The following ADARB2 variants were observed in gnomAD, a reference collection of about 807,000 sequenced individuals.
The protein encoded by ADARB2 is inactive double-stranded RNA-specific editase B2.
A neutral mutation model predicts 62.2 loss-of-function variants in ADARB2; 25 were observed. The ratio of observed to expected loss-of-function variants is 0.40; its 90% CI spans 0.29 to 0.56. ADARB2 has a LOEUF of 0.56. Among genes scored for constraint, ADARB2 ranks in the 20% least tolerant of loss-of-function variants. The pLI is 0.43. For synonymous variants in ADARB2, 572 were observed against 500.8 expected (o/e 1.14, Z -1.90); for missense variants, 1,071 against 1,077.4 (o/e 0.99, Z 0.08).
intron 7 of ADARB2, chr10:1,216,732 G>C (rs929092461): frequency 3.2e-6 from 2 of 625,826 alleles, no homozygotes; most frequent in African/African-American, 3.8e-5. Context: ...AGCCTCGGGT[G>C]GCAGGGCCTT....
At chr10:1,466,754 A>G (rs1192827130) in intron 1 of ADARB2, among the ~76,000 whole-genome samples, 4 of 152,162 alleles carry the variant, frequency 2.6e-5, no homozygotes, top group Non-Finnish European at 5.9e-5. Context: ...GAATTTCTCT[A>G]TGGAAGACTG....
intron 3 of ADARB2, among the ~76,000 whole-genome samples, chr10:1,325,189 G>C (rs980504864): frequency 6.6e-6 from 1 of 152,198 alleles, no homozygotes; most frequent in Non-Finnish European, 1.5e-5. Context: ...GTCACAGATA[G>C]TGTCCATGAA....
chr10:1,444,733 T>TATCCATCCATCC (rs973317194), intron 1 of ADARB2, among the ~76,000 whole-genome samples: 1 of 132,404 alleles, frequency 7.6e-6, no homozygotes, highest in Non-Finnish European at 1.6e-5. Flanking sequence ...TCCATCTATC[T>TATCCATCCATCC]ATCCATCCAT....
At chr10:1,622,317 T>A (rs1909439) in intron 1 of ADARB2, among the ~76,000 whole-genome samples, 15,849 of 152,214 alleles carry the variant, frequency 0.1, 2,286 homozygotes, top group African/African-American at 0.32. Flanking sequence ...AAAGGCACAA[T>A]TCATTAAGGA....
intron 2 of ADARB2, among the ~76,000 whole-genome samples, chr10:1,373,964 T>C (rs2805503): frequency 0.32 from 8,485 of 26,358 alleles, 575 homozygotes; most frequent in African/African-American, 0.4. Flanking sequence ...TCCGCGCACC[T>C]TTCCTAGTGA....
At chr10:1,479,936 A>G (rs1831446223) in intron 1 of ADARB2, among the ~76,000 whole-genome samples, 1 of 152,100 alleles carries the variant, frequency 6.6e-6, no homozygotes, top group South Asian at 2.1e-4. Context: ...GACGTGCTTT[A>G]CTCCATTGCA....
intron 3 of ADARB2, among the ~76,000 whole-genome samples, chr10:1,351,561 G>T (rs1475698808): frequency 3.3e-5 from 5 of 151,802 alleles, no homozygotes; most frequent in African/African-American, 9.7e-5. Context: ...ATTCATTGCC[G>T]CCTTTTCCCC....
intron 6 of ADARB2, among the ~76,000 whole-genome samples, chr10:1,229,960 C>T (rs1564228387): frequency 1.3e-5 from 2 of 152,162 alleles, no homozygotes; most frequent in South Asian, 4.1e-4. Flanking sequence ...TCGCTCGATG[C>T]AGGCCAAAGG....
intron 1 of ADARB2, among the ~76,000 whole-genome samples, chr10:1,506,738 G>T (rs921574189): frequency 2.6e-5 from 4 of 152,210 alleles, no homozygotes; most frequent in Non-Finnish European, 5.9e-5. Flanking sequence ...TGGACTGGCT[G>T]TGGGGTCCCC....
Position 1,234,737 on chromosome 10 carries a change from C to CTTTTTTTTTT in ADARB2, c.1362-902_1362-893dup, listed in dbSNP as rs71376899. Among the ~76,000 whole-genome samples the CTTTTTTTTTT allele has an allele frequency of 3.4e-4, 18 of 53,634 alleles. 2 individuals carry two copies. Among genetic ancestry groups the CTTTTTTTTTT allele is most frequent in the Non-Finnish European group, 3.9e-4 (12 of 30,486 alleles). The allele number at this position is 53,634 out of a possible 152,430, so 35.2% of individuals were successfully genotyped here. ...GATTACAGGTGCGAGCGACCATGAT[C>CTTTTTTTTTT]TTTTTTTTTTTTTTTTTTTTTTTTT... is the stretch of plus-strand genomic sequence containing the variant. On this transcript the variant is annotated intron_variant, in intron 5 of 9. Coordinates refer to ENST00000381312, the MANE Select transcript of ADARB2 (RefSeq NM_018702.4).
intron 1 of ADARB2, among the ~76,000 whole-genome samples, chr10:1,536,041 A>G (rs1038237507): frequency 1.7e-4 from 26 of 152,164 alleles, no homozygotes; most frequent in South Asian, 1.4e-3. Flanking sequence ...ATCCCGGCCC[A>G]TCAAGCAGGC....
rs140334795 is a variant in ADARB2, at chr10:1,343,090, G to T, written c.1077+19938C>A. ...AGACAGATCTAGGGTGAAGAGAAAT[G>T]AGATCTATACACAAGACATGAAGTT... On this transcript the variant is annotated intron_variant, in intron 3 of 9. Transcript: ENST00000381312. Among the ~76,000 whole-genome samples the T allele has an allele frequency of 2.5e-4, 38 of 152,284 alleles. No homozygotes were observed. The East Asian group carries it at 7.3e-3, about 29-fold the overall frequency.
chr10:1,697,603 G>A (rs768527188), intron 1 of ADARB2, among the ~76,000 whole-genome samples: 4 of 152,202 alleles, frequency 2.6e-5, no homozygotes, highest in Non-Finnish European at 4.4e-5. Flanking sequence ...CTTCTCTAAT[G>A]AGAAATTGGC....
At chr10:1,208,004 G>A (rs780346138) in intron 7 of ADARB2, among the ~76,000 whole-genome samples, 7 of 152,288 alleles carry the variant, frequency 4.6e-5, no homozygotes, top group African/African-American at 7.2e-5. Flanking sequence ...TTAGGCCTGC[G>A]GTGTCCGACC....
intron 1 of ADARB2, among the ~76,000 whole-genome samples, chr10:1,622,058 C>G (rs540528389): frequency 7.9e-5 from 12 of 152,134 alleles, no homozygotes; most frequent in African/African-American, 1.2e-4. Flanking sequence ...CATCCATGGG[C>G]AACTAATTCC....
chr10:1,192,840 G>A (rs1247681666), intron 8 of ADARB2, among the ~76,000 whole-genome samples: 1 of 152,256 alleles, frequency 6.6e-6, no homozygotes, highest in Non-Finnish European at 1.5e-5. Context: ...CTACTTGGGA[G>A]TCTGAGGCAG....
At chr10:1,310,637 G>T (rs2131822544) in intron 3 of ADARB2, among the ~76,000 whole-genome samples, 1 of 152,344 alleles carries the variant, frequency 6.6e-6, no homozygotes, top group Non-Finnish European at 1.5e-5. Flanking sequence ...TGACAGTGGA[G>T]GCTGCTGCGC....
At chr10:1,205,621 T>C (rs1423819569) in intron 7 of ADARB2, among the ~76,000 whole-genome samples, 1 of 152,250 alleles carries the variant, frequency 6.6e-6, no homozygotes, top group Admixed American at 6.5e-5. Flanking sequence ...CCCAGAGTGC[T>C]CCCCAGCCCC....
In ADARB2 at chr10:1,359,577, G is replaced by A. The variant is rs143078222; in HGVS notation, c.1077+3451C>T. Among the ~76,000 whole-genome samples the A allele has an allele frequency of 1.6e-3, 247 of 152,288 alleles. 1 individual carries two copies. Among genetic ancestry groups the A allele is most frequent in the Non-Finnish European group, 2.9e-3 (196 of 68,030 alleles). On this transcript the variant is annotated intron_variant, in intron 3 of 9. Transcript: ENST00000381312. ...CTTTACCACTGGAGGGTGGCTTCAC[G>A]TGTTTATAAGGAAGCTGATATTGTG...
Sources: allele counts gnomAD v4.1 joint callset (sites outside exome capture counted in the v4.1 genomes callset), GRCh38; gene constraint gnomAD v4.1.1; transcripts MANE v1.5; gene names NCBI Gene and HGNC (gene_info 2026-07-23, HGNC 2026-07-21).